Variants in RND1 observed in about 807,000 individuals in gnomAD.
The protein encoded by RND1 is Rho family GTPase 1.
In RND1, 9 loss-of-function variants were observed where a neutral mutation model predicts 27.1. That is an observed-to-expected ratio of 0.33 (90% CI 0.20 to 0.58). RND1 has a LOEUF of 0.58. Among genes scored for constraint, RND1 ranks in the 20% least tolerant of loss-of-function variants. RND1 has a pLI of 0.86. For synonymous variants in RND1, 108 were observed against 115.7 expected (o/e 0.93, Z 0.43); for missense variants, 253 against 292.2 (o/e 0.87, Z 0.98).
chr12:48,860,840 G>A (rs1214874020), intron 4 of RND1, among the ~76,000 whole-genome samples, 157 bp downstream of exon 4: 2 of 152,142 alleles, frequency 1.3e-5, no homozygotes, highest in Non-Finnish European at 1.5e-5. Context: ...TGGGTAAGCA[G>A]GTGCCCACCA....
Position 48,865,628 on chromosome 12 carries a change from C to T in RND1, c.120+20G>A. 6.2e-7 allele frequency: 1 copy of T among 1,602,108 alleles called. No homozygotes were observed. Among genetic ancestry groups the T allele is most frequent in the Non-Finnish European group, 8.5e-7 (1 of 1,174,416 alleles). ...GCAGGCAGGGAGAAAAGCCGGCCAG[C>T]GGGCGGGCGGGCAGCTCACCTCTGG... On this transcript the variant is annotated intron_variant, in intron 1 of 4. Coordinates refer to ENST00000309739, the MANE Select transcript of RND1 (RefSeq NM_014470.4).
chr12:48,861,054 G>C lies in RND1; in HGVS notation c.396C>G (p.Asp132Glu). Residue 132 changes from aspartate (D) to glutamate (E), a missense_variant, in exon 4 of 5, where the codon GAC becomes GAG. Coordinates refer to ENST00000309739, the MANE Select transcript of RND1 (RefSeq NM_014470.4). The part of the protein sequence containing the change: ...LIGCKTDLRT[D>E]LSTLMELSHQ... ...GGGACAGCTCCATCAGAGTACTCAG[G>C]TCTGTTCGCAGGTCTGTCTTGCAGC... The C allele has an allele frequency of 6.2e-7, 1 of 1,614,124 alleles. No individual in the cohort carries two copies. Among genetic ancestry groups the C allele is most frequent in the Non-Finnish European group, 8.5e-7 (1 of 1,180,044 alleles).
chr12:48,862,021 G>A lies in RND1; in HGVS notation c.306C>T (p.Ser102=), dbSNP rs775395215. 1.5e-4 allele frequency: 245 copies of A among 1,593,604 alleles called. 1 individual carries two copies. In the Admixed American group the frequency reaches 2.9e-3, roughly 19 times the overall value. ...GATCTAGTCTTACCTTCTTGAGTGCGCTGTCCACTGTCTCTGGACGGCTGA... is the reference window on the plus strand; with the variant it reads ...GATCTAGTCTTACCTTCTTGAGTGCACTGTCCACTGTCTCTGGACGGCTGA... ...FDISRPETVD[S]ALKKWRTEIL... The change falls in exon 3 of 5, where the codon AGC becomes AGT. Residue 102 remains serine, a synonymous_variant. Transcript: ENST00000309739.
Position 48,865,653 on chromosome 12 carries a change from G to C in RND1, c.115C>G (p.Pro39Ala). The C allele has an allele frequency of 6.2e-7, 1 of 1,613,216 alleles. No homozygotes were observed. The highest frequency in any genetic ancestry group is 8.5e-7 in the Non-Finnish European group (1 of 1,179,656). ...MLQVLAKDCY[P>A]ETYVPTVFEN... is the part of the protein sequence containing the mutation. ...CGGGCGGGCGGGCAGCTCACCTCTG[G>C]ATAGCAATCCTTCGCTAACACTTGC... The change falls in exon 1 of 5, where the codon CCA becomes GCA. Residue 39 changes from proline (P) to alanine (A), a missense_variant. Transcript: ENST00000309739.
chr12:48,863,743 C>A (rs1011451691), intron 2 of RND1, among the ~76,000 whole-genome samples: 1 of 152,114 alleles, frequency 6.6e-6, no homozygotes, highest in African/African-American at 2.4e-5. Context: ...AGCATGGGAA[C>A]AACAGCTGTT....
At position 48,865,636 on chromosome 12, in the gene RND1, CG is replaced by C; in HGVS notation, c.120+11del. 1.2e-6 allele frequency: 2 copies of C among 1,608,338 alleles called. No homozygotes were observed. The highest frequency in any genetic ancestry group is 1.7e-6 in the Non-Finnish European group (2 of 1,177,540). ...GGAGAAAAGCCGGCCAGCGGGCGGG[CG>C]GGCAGCTCACCTCTGGATAGCAATC... On this transcript the variant is annotated intron_variant, in intron 1 of 4. Coordinates refer to ENST00000309739, the MANE Select transcript of RND1 (RefSeq NM_014470.4).
chr12:48,861,967 C>A (rs1938923890), intron 3 of RND1, 42 bp downstream of exon 3: 2 of 1,142,854 alleles, frequency 1.7e-6, no homozygotes, highest in African/African-American at 3.0e-5. Flanking sequence ...CCTTCTTGGT[C>A]CTCATGCTGA....
intron 3 of RND1, 35 bp from the exon 4 acceptor site, chr12:48,861,166 G>A (rs1938914977): frequency 6.3e-7 from 1 of 1,575,822 alleles, no homozygotes; most frequent in African/African-American, 1.4e-5. Flanking sequence ...GTAGGAGAAG[G>A]AGGAAGGAAG....
intron 2 of RND1, among the ~76,000 whole-genome samples, chr12:48,863,146 C>G (rs1222198145): frequency 6.6e-6 from 1 of 152,024 alleles, no homozygotes; most frequent in African/African-American, 2.4e-5. Context: ...CATTTTGGCT[C>G]CAAGCAATCC....
intron 4 of RND1, among the ~76,000 whole-genome samples, chr12:48,859,980 G>A (rs189528929): frequency 1.3e-5 from 2 of 151,926 alleles, no homozygotes; most frequent in East Asian, 1.9e-4. Context: ...GTTTCACCAC[G>A]TTGGCCAGGC....
chr12:48,865,544 A>G, intron 1 of RND1, 104 bp downstream of exon 1: 3 of 1,348,212 alleles, frequency 2.2e-6, no homozygotes, highest in Non-Finnish European at 3.1e-6. Flanking sequence ...GCGGCTGAGG[A>G]TGGGCTGGGG....
Position 48,862,055 on chromosome 12 carries a change from C to T in RND1, c.272G>A (p.Cys91Tyr). ...CYSDSDAVLL[C>Y]FDISRPETVD... ...TGTCTCTGGACGGCTGATGTCAAAA[C>T]ATAGTAATACTGCATCCGAGTCGCT... The change falls in exon 3 of 5, where the codon TGT becomes TAT. Residue 91 changes from cysteine to tyrosine, a missense_variant. Coordinates refer to ENST00000309739, the MANE Select transcript of RND1 (RefSeq NM_014470.4). 6.2e-7 allele frequency: 1 copy of T among 1,613,696 alleles called. No individual in the cohort carries two copies. The highest frequency in any genetic ancestry group is 8.5e-7 in the Non-Finnish European group (1 of 1,179,584).
Position 48,857,309 on chromosome 12 carries a change from C to A in RND1, c.*687G>T, listed in dbSNP as rs1474272383. Reference sequence around the variant, plus strand: ...CTAAGGGCAGAAAAAGTCTGGTGACCCCCACCCAGCCCTGCCCCTGCAGCA... The same window carrying A: ...CTAAGGGCAGAAAAAGTCTGGTGACACCCACCCAGCCCTGCCCCTGCAGCA... On this transcript the variant is annotated 3_prime_UTR_variant, in exon 5 of 5. Coordinates refer to ENST00000309739, the MANE Select transcript of RND1 (RefSeq NM_014470.4). 6.6e-6 allele frequency: 1 copy of A among 150,688 alleles called. No homozygotes were observed. Among genetic ancestry groups the A allele is most frequent in the African/African-American group, 2.5e-5 (1 of 40,730 alleles). 9.3% of individuals were successfully genotyped at this position (150,688 alleles called of 1,614,324 possible).
intron 4 of RND1, among the ~76,000 whole-genome samples, chr12:48,860,404 T>A (rs1032073719): frequency 6.6e-6 from 1 of 151,954 alleles, no homozygotes; most frequent in Non-Finnish European, 1.5e-5. Context: ...TTTCTTTTTT[T>A]TTGAGACAGG....
chr12:48,865,645 C>T lies in RND1; in HGVS notation c.120+3G>A. 6.2e-7 allele frequency: 1 copy of T among 1,612,200 alleles called. No individual in the cohort carries two copies. Among genetic ancestry groups the T allele is most frequent in the South Asian group, 1.1e-5 (1 of 90,734 alleles). ...CCGGCCAGCGGGCGGGCGGGCAGCT[C>T]ACCTCTGGATAGCAATCCTTCGCTA... On this transcript the variant is annotated splice_donor_region_variant and intron_variant, in intron 1 of 4. Transcript: ENST00000309739.
Position 48,865,869 on chromosome 12 carries a change from C to A in RND1, c.-102G>T. 1 of 1,479,916 alleles carries A rather than the reference C, an allele frequency of 6.8e-7. No individual in the cohort carries two copies. The highest frequency in any genetic ancestry group is 1.4e-5 in the South Asian group (1 of 70,762). The allele number at this position is 1,479,916 out of a possible 1,614,324, so 91.7% of individuals were successfully genotyped here. A position where few individuals can be genotyped will look rare whatever the true frequency, so the allele number is the denominator to read the frequency against. On this transcript the variant is annotated 5_prime_UTR_variant, in exon 1 of 5. Transcript: ENST00000309739. ...AGCCAGATTCCCTGCCTCCCTCCAA[C>A]TGAGGAGGAGGCCGGCACAGCCGCC...
At chr12:48,858,274 G>T (rs778343124) in intron 4 of RND1, 33 bp from the exon 5 acceptor site, 2 of 1,602,710 alleles carry the variant, frequency 1.2e-6, no homozygotes, top group Non-Finnish European at 8.5e-7. Context: ...TAATGCAGTG[G>T]GCCAAAATGG....
intron 1 of RND1, 115 bp from the exon 2 acceptor site, chr12:48,864,985 C>T (rs1938968903): frequency 1.2e-6 from 1 of 814,216 alleles, no homozygotes; most frequent in African/African-American, 1.7e-5. Flanking sequence ...AGACAAGAAA[C>T]CAGAGGAGAT....
intron 2 of RND1, among the ~76,000 whole-genome samples, chr12:48,863,999 G>T (rs1938951934): frequency 6.6e-6 from 1 of 152,124 alleles, no homozygotes; most frequent in Admixed American, 6.5e-5. Flanking sequence ...AGGGCTTGGG[G>T]CTGAGAGGCT....
Sources: gnomAD v4.1 joint callset for allele counts (sites outside exome capture counted in the v4.1 genomes callset) on GRCh38, gnomAD v4.1.1 for gene constraint, MANE v1.5 for transcripts, NCBI Gene and HGNC (gene_info 2026-07-23, HGNC 2026-07-21) for gene names.